Variants in PRR27 observed in about 807,000 individuals in gnomAD.
PRR27 encodes proline-rich protein 27.
In PRR27, 12 loss-of-function variants were observed where a neutral mutation model predicts 16.8. The ratio of observed to expected loss-of-function variants is 0.71; its 90% CI spans 0.46 to 1.16. The LOEUF (loss-of-function observed/expected upper bound fraction) is 1.16, where lower values mean the gene tolerates loss of function less well. Among genes scored for constraint, PRR27 ranks in the 50% most tolerant of loss-of-function variants. The pLI is 0.00. For synonymous variants in PRR27, 100 were observed against 98.4 expected (o/e 1.02, Z -0.10); for missense variants, 277 against 273.3 (o/e 1.01, Z -0.10).
chr4:70,157,645 A>G (rs1172222381), intron 2 of PRR27, among the ~76,000 whole-genome samples: 1 of 151,898 alleles, frequency 6.6e-6, no homozygotes, highest in Non-Finnish European at 1.5e-5. Flanking sequence ...CTGCCTCCCA[A>G]GTAGCTGGGA....
chr4:70,160,186 C>A (rs76803430), intron 3 of PRR27, among the ~76,000 whole-genome samples: 1 of 152,086 alleles, frequency 6.6e-6, no homozygotes, highest in South Asian at 2.1e-4. Flanking sequence ...TATAACCCAG[C>A]CCTAACCACC....
At position 70,158,736 on chromosome 4, in the gene PRR27, GC is replaced by G; in HGVS notation, c.485del (p.Ala162AspfsTer62). 5 of 1,577,400 alleles carry G rather than the reference GC, an allele frequency of 3.2e-6. No individual in the cohort carries two copies. The highest frequency in any genetic ancestry group is 4.3e-6 in the Non-Finnish European group (5 of 1,152,398). On this transcript the variant is annotated frameshift_variant, in exon 3 of 5. Coordinates refer to ENST00000344526, the MANE Select transcript of PRR27 (RefSeq NM_214711.4). LOFTEE classifies it high-confidence loss of function. Reference protein sequence around the residue: ...APVAAEPAAEAPVGAEPAAEA... With the variant: ...APVAAEPAAEXPVGAEPAAEA... The stretch of plus-strand genomic sequence containing the variant: ...TGTTGCAGCTGAGCCTGCTGCAGAG[GC>G]ACCTGTTGGAGCTGAGCCTGCTGCA...
In PRR27 at chr4:70,158,540, T is replaced by C; in HGVS notation, c.288T>C (p.Ala96=). The stretch of plus-strand genomic sequence containing the variant: ...ATCACATCCGTGGTTTTCCCTTAGC[T>C]ACTCAGTTGAATGTTCCTCCTCTCC... The part of the protein sequence containing the change: ...YVYHIRGFPL[A]TQLNVPPLPP... Residue 96 remains alanine (A), a synonymous_variant, in exon 3 of 5, where the codon GCT becomes GCC. Coordinates refer to ENST00000344526, the MANE Select transcript of PRR27 (RefSeq NM_214711.4). 1.2e-6 allele frequency: 2 copies of C among 1,614,140 alleles called. No individual in the cohort carries two copies. Among genetic ancestry groups the C allele is most frequent in the Non-Finnish European group, 8.5e-7 (1 of 1,180,006 alleles).
Position 70,162,693 on chromosome 4 carries a change from A to T in PRR27, c.*34-2A>T, listed in dbSNP as rs753582419. The T allele has an allele frequency of 3.3e-5, 5 of 152,188 alleles. No homozygotes were observed. The highest frequency in any genetic ancestry group is 7.4e-5 in the Non-Finnish European group (5 of 68,022). 9.4% of individuals were successfully genotyped at this position (152,188 alleles called of 1,614,324 possible). ...TGAACCAATGTTATTTTCTTCTTTCAGATACTGATGCAGAAATAAGTGAAA... is the reference window on the plus strand; with the variant it reads ...TGAACCAATGTTATTTTCTTCTTTCTGATACTGATGCAGAAATAAGTGAAA... On this transcript the variant is annotated splice_acceptor_variant, in intron 4 of 4. Coordinates refer to ENST00000344526, the MANE Select transcript of PRR27 (RefSeq NM_214711.4). LOFTEE classifies it low-confidence loss of function (3UTR_SPLICE).
In PRR27 at chr4:70,165,104, C is replaced by A. The variant is rs1286456109; in HGVS notation, c.*2443C>A. On this transcript the variant is annotated 3_prime_UTR_variant, in exon 5 of 5. Coordinates refer to ENST00000344526, the MANE Select transcript of PRR27 (RefSeq NM_214711.4). ...TGAGTTAGATTGAGTGAAAGGTAAA[C>A]ACTAACATTTGAATTGAGGTAATTT... 3 of 151,976 alleles carry A rather than the reference C, an allele frequency of 2.0e-5. No individual in the cohort carries two copies. Among genetic ancestry groups the A allele is most frequent in the Non-Finnish European group, 2.9e-5 (2 of 67,928 alleles). 9.4% of individuals were successfully genotyped at this position (151,976 alleles called of 1,614,324 possible). A position where few individuals can be genotyped will look rare whatever the true frequency, so the allele number is the denominator to read the frequency against.
rs542016993 is a variant in PRR27, at chr4:70,166,256, C to T, written c.*3595C>T. The stretch of plus-strand genomic sequence containing the variant: ...ATATTTCCTACATTATGCTATAGAA[C>T]TTATAGACTAATTTAAGTTAATTAT... On this transcript the variant is annotated 3_prime_UTR_variant, in exon 5 of 5. Coordinates refer to ENST00000344526, the MANE Select transcript of PRR27 (RefSeq NM_214711.4). 1 of 152,078 alleles carries T rather than the reference C, an allele frequency of 6.6e-6. No individual in the cohort carries two copies. Among genetic ancestry groups the T allele is most frequent in the East Asian group, 1.9e-4 (1 of 5,180 alleles). 9.4% of individuals were successfully genotyped at this position (152,078 alleles called of 1,614,324 possible). A position where few individuals can be genotyped will look rare whatever the true frequency, so the allele number is the denominator to read the frequency against.
intron 3 of PRR27, among the ~76,000 whole-genome samples, chr4:70,159,461 C>T (rs938297921): frequency 1.3e-5 from 2 of 152,126 alleles, no homozygotes; most frequent in Non-Finnish European, 2.9e-5. Flanking sequence ...GCTTAAACAT[C>T]CAGTACAATG....
rs149182032 is a variant in PRR27, at chr4:70,160,409, TTCTCTCTC to T, written c.649-1149_649-1142del. Reference sequence around the variant, plus strand: ...TTAACTCAGAGAATCTTCTGGGACTTTCTCTCTCTCTCTCTCTCTCTCTCTCTCTCTCT... The same window carrying T: ...TTAACTCAGAGAATCTTCTGGGACTTTCTCTCTCTCTCTCTCTCTCTCTCT... On this transcript the variant is annotated intron_variant, in intron 3 of 4. Transcript: ENST00000344526. Among the ~76,000 whole-genome samples, 32 of 106,166 alleles carry T rather than the reference TTCTCTCTC, an allele frequency of 3.0e-4. 1 individual carries two copies. The highest frequency in any genetic ancestry group is 1.1e-3 in the African/African-American group (28 of 26,442). 69.6% of individuals were successfully genotyped at this position (106,166 alleles called of 152,430 possible). A position where few individuals can be genotyped will look rare whatever the true frequency, so the allele number is the denominator to read the frequency against.
chr4:70,162,814 C>T lies in PRR27; in HGVS notation c.*153C>T, dbSNP rs1481619888. The T allele has an allele frequency of 6.6e-6, 1 of 151,796 alleles. No individual in the cohort carries two copies. The highest frequency in any genetic ancestry group is 1.9e-4 in the East Asian group (1 of 5,184). The allele number at this position is 151,796 out of a possible 1,614,324, so 9.4% of individuals were successfully genotyped here. On this transcript the variant is annotated 3_prime_UTR_variant, in exon 5 of 5. Coordinates refer to ENST00000344526, the MANE Select transcript of PRR27 (RefSeq NM_214711.4). The stretch of plus-strand genomic sequence containing the variant: ...ATTGATTTGTTTGTGGTAGTTTTTC[C>T]TTGGACTTAATTTATATTGAAAAAA...
At chr4:70,161,179 T>TATATATACAC (rs527588905) in intron 3 of PRR27, among the ~76,000 whole-genome samples, 3 of 107,702 alleles carry the variant, frequency 2.8e-5, no homozygotes, top group African/African-American at 6.9e-5. Flanking sequence ...TATATATATA[T>TATATATACAC]ACACACATAC....
At position 70,164,028 on chromosome 4, in the gene PRR27, C is replaced by CT. The variant is rs760561644; in HGVS notation, c.*1368dup. On this transcript the variant is annotated 3_prime_UTR_variant, in exon 5 of 5. Transcript: ENST00000344526. ...TTCAGAATACTCTTCCCTGAGCACTCTATCTAAATAAATCCCTCTTCTGCA... is the reference window on the plus strand; with the variant it reads ...TTCAGAATACTCTTCCCTGAGCACTCTTATCTAAATAAATCCCTCTTCTGCA... 6.6e-6 allele frequency: 1 copy of CT among 152,112 alleles called. No individual in the cohort carries two copies. Among genetic ancestry groups the CT allele is most frequent in the Non-Finnish European group, 1.5e-5 (1 of 68,012 alleles). The allele number at this position is 152,112 out of a possible 1,614,324, so 9.4% of individuals were successfully genotyped here. A position where few individuals can be genotyped will look rare whatever the true frequency, so the allele number is the denominator to read the frequency against.
chr4:70,158,900 G>A lies in PRR27; in HGVS notation c.648G>A (p.Gln216=). Residue 216 remains glutamine (Q), a splice_region_variant and synonymous_variant, in exon 3 of 5, where the codon CAG becomes CAA. Transcript: ENST00000344526. The part of the protein sequence containing the change: ...PEPHPSPSLE[Q]ANQ ...CTCACCCTTCTCCCTCTCTTGAACA[G>A]GTAGGTTGTTTATATCTTACCACTA... 1.2e-6 allele frequency: 2 copies of A among 1,609,424 alleles called. No homozygotes were observed. The highest frequency in any genetic ancestry group is 2.2e-5 in the East Asian group (1 of 44,656).
In PRR27 at chr4:70,158,388, A is replaced by G; in HGVS notation, c.136A>G (p.Asn46Asp). Reference sequence around the variant, plus strand: ...TCTGAATATTCCTTATGGCATACGGAATTTACCACCTCCTCTTTATTATCG... The same window carrying G: ...TCTGAATATTCCTTATGGCATACGGGATTTACCACCTCCTCTTTATTATCG... The part of the protein sequence containing the change: ...PSLNIPYGIR[N>D]LPPPLYYRPV... Residue 46 changes from asparagine to aspartate, a missense_variant, in exon 3 of 5, where the codon AAT becomes GAT. Physicochemically the swap from Asn to Asp is conservative, Grantham distance 23. Transcript: ENST00000344526. 1 of 1,613,610 alleles carries G rather than the reference A, an allele frequency of 6.2e-7. No homozygotes were observed. The highest frequency in any genetic ancestry group is 1.7e-5 in the Admixed American group (1 of 59,996).
At chr4:70,160,947 C>G (rs1728630835) in intron 3 of PRR27, among the ~76,000 whole-genome samples, 1 of 151,826 alleles carries the variant, frequency 6.6e-6, no homozygotes, top group African/African-American at 2.4e-5. Context: ...TTGGAAAGCT[C>G]TAGTAGTTGT....
chr4:70,156,324 G>A (rs1213249683), intron 2 of PRR27, among the ~76,000 whole-genome samples: 1 of 152,138 alleles, frequency 6.6e-6, no homozygotes. Flanking sequence ...TCCCTTTGCA[G>A]CTTAAGAAAA....
chr4:70,156,204 G>T, intron 2 of PRR27, 127 bp downstream of exon 2: 1 of 466,326 alleles, frequency 2.1e-6, no homozygotes, highest in Non-Finnish European at 3.8e-6. Flanking sequence ...AAATAATAGT[G>T]CTATTAAACT....
At chr4:70,157,796 A>C (rs1728524211) in intron 2 of PRR27, among the ~76,000 whole-genome samples, 1 of 151,976 alleles carries the variant, frequency 6.6e-6, no homozygotes, top group Admixed American at 6.6e-5. Flanking sequence ...TCACCCTCTT[A>C]ATGAAAATTT....
Position 70,158,888 on chromosome 4 carries a change from C to G in PRR27, c.636C>G (p.Pro212=). 1 of 1,613,576 alleles carries G rather than the reference C, an allele frequency of 6.2e-7. No individual in the cohort carries two copies. Among genetic ancestry groups the G allele is most frequent in the Non-Finnish European group, 8.5e-7 (1 of 1,179,700 alleles). The change falls in exon 3 of 5, where the codon CCC becomes CCG. Residue 212 remains proline (P), a synonymous_variant. Coordinates refer to ENST00000344526, the MANE Select transcript of PRR27 (RefSeq NM_214711.4). ...KPAAPEPHPS[P]SLEQANQ is the part of the protein sequence containing the mutation. ...CTGCCCCAGAACCTCACCCTTCTCCCTCTCTTGAACAGGTAGGTTGTTTAT... is the reference window on the plus strand; with the variant it reads ...CTGCCCCAGAACCTCACCCTTCTCCGTCTCTTGAACAGGTAGGTTGTTTAT...
intron 3 of PRR27, among the ~76,000 whole-genome samples, chr4:70,161,201 CGTATACAT>C (rs1728641955): frequency 3.2e-5 from 2 of 63,072 alleles, no homozygotes; most frequent in East Asian, 3.0e-4. Context: ...TATATATACA[CGTATACAT>C]ATATATATAT....
Sources: gnomAD v4.1 joint callset for allele counts (sites outside exome capture counted in the v4.1 genomes callset) on GRCh38, gnomAD v4.1.1 for gene constraint, MANE v1.5 for transcripts, NCBI Gene and HGNC (gene_info 2026-07-23, HGNC 2026-07-21) for gene names.